NEB: variants seen among roughly 807,000 people sequenced by gnomAD.
NEB encodes nebulin.
A neutral mutation model predicts 952.2 loss-of-function variants in NEB; 512 were observed. The ratio of observed to expected loss-of-function variants is 0.54; its 90% CI spans 0.50 to 0.58. The LOEUF is 0.58. NEB is among the 20% of genes least tolerant of loss of function. The pLI is 0.00. For synonymous variants in NEB, 2,900 were observed against 3,149.8 expected (o/e 0.92, Z 2.66); for missense variants, 8,428 against 9,231.1 (o/e 0.91, Z 3.56).
intron 24 of NEB, chr2:151,689,753 T>C (rs1245971494): frequency 6.6e-6 from 1 of 152,222 alleles, no homozygotes; most frequent in African/African-American, 2.4e-5. Context: ...TCTCTGCAGC[T>C]TGCTGAGTTC....
chr2:151,684,501 C>T (rs951962269), intron 28 of NEB, among the ~76,000 whole-genome samples: 1 of 152,140 alleles, frequency 6.6e-6, no homozygotes, highest in African/African-American at 2.4e-5. Flanking sequence ...TTACATCCTC[C>T]AAACAATGTT....
At chr2:151,549,502 C>T (rs1160558152) in intron 130 of NEB, 134 bp downstream of exon 130, 20 of 681,876 alleles carry the variant, frequency 2.9e-5, no homozygotes, top group Non-Finnish European at 5.3e-5. Flanking sequence ...TGCTGTCTCT[C>T]CTCTCCAGCT....
At chr2:151,498,473 GA>G in intron 169 of NEB, 121 bp from the exon 170 acceptor site, 1 of 666,976 alleles carries the variant, frequency 1.5e-6, no homozygotes, top group East Asian at 2.7e-5. Flanking sequence ...AGAAATACCA[GA>G]AGCTTTTAGA....
At chr2:151,606,066 C>T (rs2097695660) in intron 84 of NEB, among the ~76,000 whole-genome samples, 1 of 86,982 alleles carries the variant, frequency 1.1e-5, no homozygotes, top group Non-Finnish European at 3.0e-5. Context: ...GTGATCCGCC[C>T]ACCTCAGCCT....
chr2:151,533,668 T>C, intron 142 of NEB, 122 bp from the exon 143 acceptor site: 1 of 635,602 alleles, frequency 1.6e-6, no homozygotes, highest in Non-Finnish European at 2.8e-6. Context: ...TGTACTCACA[T>C]ATGTGCGGGT....
intron 46 of NEB, among the ~76,000 whole-genome samples, chr2:151,660,752 G>A (rs982197525): frequency 2.0e-5 from 3 of 152,150 alleles, no homozygotes; most frequent in African/African-American, 7.2e-5. Flanking sequence ...AGCTGTGGTT[G>A]TGTCACTATA....
intron 34 of NEB, among the ~76,000 whole-genome samples, chr2:151,675,790 C>T (rs2099355029): frequency 6.7e-6 from 1 of 149,174 alleles, no homozygotes. Context: ...ATAAGTTTTT[C>T]ACTTCTGCTA....
At chr2:151,627,961 T>C (rs1473978112) in intron 68 of NEB, 127 bp from the exon 69 acceptor site, 1 of 1,240,494 alleles carries the variant, frequency 8.1e-7, no homozygotes, top group Non-Finnish European at 1.1e-6. Context: ...TGCATATCAG[T>C]TTATCTCCTC....
chr2:151,717,582 G>T, intron 9 of NEB, 62 bp from the exon 10 acceptor site: 2 of 1,243,442 alleles, frequency 1.6e-6, no homozygotes, highest in Non-Finnish European at 2.3e-6. Context: ...TTTATTTGAA[G>T]TCTTAAATTT....
intron 5 of NEB, among the ~76,000 whole-genome samples, chr2:151,726,069 T>C (rs1314224729): frequency 1.3e-5 from 2 of 152,204 alleles, no homozygotes; most frequent in East Asian, 3.9e-4. Flanking sequence ...GAATACACAA[T>C]GAATTCTTGC....
intron 40 of NEB, 86 bp downstream of exon 40, chr2:151,667,718 A>G: frequency 2.1e-6 from 2 of 955,744 alleles, no homozygotes; most frequent in Non-Finnish European, 3.1e-6. Flanking sequence ...TTCTGTAGAG[A>G]CAGGGTCTTG....
intron 10 of NEB, chr2:151,716,046 C>A: frequency 3.0e-6 from 1 of 334,598 alleles, no homozygotes; most frequent in Non-Finnish European, 5.9e-6. Context: ...TTCTAAATGA[C>A]CACTTGAAAA....
At chr2:151,610,168 C>A in intron 80 of NEB, 48 bp from the exon 81 acceptor site, 3 of 1,466,524 alleles carry the variant, frequency 2.0e-6, no homozygotes, top group Non-Finnish European at 1.9e-6. Flanking sequence ...TAAAACCATG[C>A]TCATGTGCTG....
At chr2:151,537,063 A>C in intron 141 of NEB, 69 bp downstream of exon 141, 1 of 904,314 alleles carries the variant, frequency 1.1e-6, no homozygotes, top group Non-Finnish European at 1.7e-6. Flanking sequence ...ACTATTTCTC[A>C]GTGCTAATTC....
intron 170 of NEB, 94 bp from the exon 171 acceptor site, chr2:151,497,812 G>C: frequency 6.5e-7 from 1 of 1,533,442 alleles, no homozygotes; most frequent in East Asian, 2.5e-5. Flanking sequence ...AGTCATCCAA[G>C]GAGCCAGAAG....
intron 156 of NEB, 41 bp downstream of exon 156, chr2:151,518,277 T>C (rs1375246771): frequency 7.3e-7 from 1 of 1,376,962 alleles, no homozygotes; most frequent in Non-Finnish European, 1.0e-6. Context: ...GTACTGTGGA[T>C]GAATGTGCGC....
rs755291072 is a variant in NEB at position 151,636,329 on chromosome 2, C to T, written c.9000G>A (p.Leu3000=). 34 of 1,603,620 alleles carry T rather than the reference C, an allele frequency of 2.1e-5. No homozygotes were observed. In the Middle Eastern group the frequency reaches 4.9e-4, roughly 23 times the overall value. ...RMNKINYSES[L]YKLANEEAKK... ...TTGCTTCTTCATTAGCAAGTTTGTA[C>T]AGACTCTAAATTTGGGGGAAAAAAA... is the stretch of plus-strand genomic sequence containing the variant. Residue 3000 remains leucine, a synonymous_variant, in exon 64 of 182, where the codon CTG becomes CTA. Coordinates refer to ENST00000397345, the MANE Select transcript of NEB (RefSeq NM_001164508.2).
At chr2:151,640,147 CT>C (rs1193504274) in intron 61 of NEB, 87 bp from the exon 62 acceptor site, 1 of 1,516,288 alleles carries the variant, frequency 6.6e-7, no homozygotes, top group African/African-American at 1.4e-5. Flanking sequence ...TAAAAGCACT[CT>C]CAAAATTTAG....
chr2:151,517,365 G>A (rs1027105896), intron 156 of NEB, among the ~76,000 whole-genome samples: 2 of 152,118 alleles, frequency 1.3e-5, no homozygotes, highest in African/African-American at 2.4e-5. Flanking sequence ...AAGGCCTGGG[G>A]GCACATACTG....
Sources: gnomAD v4.1 joint callset for allele counts (sites outside exome capture counted in the v4.1 genomes callset) on GRCh38, gnomAD v4.1.1 for gene constraint, MANE v1.5 for transcripts, NCBI Gene and HGNC (gene_info 2026-07-23, HGNC 2026-07-21) for gene names.